NELL1: variants seen among roughly 807,000 people sequenced by gnomAD.
NELL1 encodes the protein neural EGFL like 1, also known as protein kinase C-binding protein NELL1.
In NELL1, 76 loss-of-function variants were observed where a neutral mutation model predicts 107.4. The ratio of observed to expected loss-of-function variants is 0.71; its 90% CI spans 0.59 to 0.86. NELL1 has a LOEUF of 0.86. Among genes scored for constraint, NELL1 ranks in the 40% least tolerant of loss-of-function variants. The pLI is 0.00. For missense variants in NELL1, 1,024 were observed against 1,005.5 expected (o/e 1.02, Z -0.25); for synonymous variants, 353 against 341.2 (o/e 1.03, Z -0.38).
At chr11:21,205,932 C>T (rs1207455055) in intron 13 of NELL1, among the ~76,000 whole-genome samples, 2 of 152,224 alleles carry the variant, frequency 1.3e-5, no homozygotes, top group Non-Finnish European at 2.9e-5. Context: ...GACATATATG[C>T]CCAGGCCTCT....
chr11:20,726,505 A>C (rs12363321), intron 2 of NELL1, among the ~76,000 whole-genome samples: 2 of 151,864 alleles, frequency 1.3e-5, no homozygotes, highest in South Asian at 4.2e-4. Context: ...TGAACTTTAC[A>C]CAAGTTGAAC....
chr11:21,561,415 A>G (rs1188288626), intron 17 of NELL1, among the ~76,000 whole-genome samples: 1 of 152,176 alleles, frequency 6.6e-6, no homozygotes, highest in Non-Finnish European at 1.5e-5. Context: ...CCCACACTCC[A>G]ATCTAGGTTT....
intron 3 of NELL1, among the ~76,000 whole-genome samples, chr11:20,835,074 A>G (rs1247830884): frequency 2.0e-5 from 3 of 151,942 alleles, no homozygotes; most frequent in Non-Finnish European, 2.9e-5. Context: ...TGCCAGACAC[A>G]TTTCTTCCTC....
At chr11:20,846,000 C>A (rs1420759769) in intron 3 of NELL1, among the ~76,000 whole-genome samples, 4 of 152,206 alleles carry the variant, frequency 2.6e-5, no homozygotes, top group African/African-American at 9.7e-5. Flanking sequence ...AGTGTTCTAA[C>A]AACTTAGAAG....
chr11:20,677,906 C>G (rs145705536), intron 1 of NELL1, 26 bp from the exon 2 acceptor site: 4 of 1,612,426 alleles, frequency 2.5e-6, no homozygotes, highest in Middle Eastern at 1.7e-4. Context: ...CATTTTAAGC[C>G]CAAACAACTC....
At chr11:21,194,732 C>T (rs1257619307) in intron 13 of NELL1, among the ~76,000 whole-genome samples, 3 of 152,144 alleles carry the variant, frequency 2.0e-5, no homozygotes, top group Non-Finnish European at 4.4e-5. Flanking sequence ...CCATATGATG[C>T]TCATGCATAT....
intron 15 of NELL1, among the ~76,000 whole-genome samples, chr11:21,416,363 T>C (rs1852520421): frequency 6.6e-6 from 1 of 152,130 alleles, no homozygotes; most frequent in Admixed American, 6.6e-5. Flanking sequence ...GTGAGGAGAC[T>C]GGCTTCATAA....
chr11:20,951,410 A>AT (rs1391844620), intron 11 of NELL1, among the ~76,000 whole-genome samples: 1 of 151,748 alleles, frequency 6.6e-6, no homozygotes, highest in South Asian at 2.1e-4. Flanking sequence ...TTTACATTTG[A>AT]TTTTTTTTCT....
chr11:21,301,472 C>T (rs908871064), intron 14 of NELL1, among the ~76,000 whole-genome samples: 9 of 152,244 alleles, frequency 5.9e-5, no homozygotes, highest in East Asian at 3.9e-4. Context: ...TTGTGGTTTT[C>T]ATTTTCATTT....
intron 5 of NELL1, among the ~76,000 whole-genome samples, chr11:20,893,140 CAGCAAACCAACACAGGAACAGA>C (rs1056880973): frequency 2.0e-5 from 3 of 151,994 alleles, no homozygotes; most frequent in Non-Finnish European, 4.4e-5. Context: ...CCATCATCCT[CAGCAAACCAACACAGGAACAGA>C]AAACCAAACA....
chr11:21,005,844 T>G (rs1001698108), intron 12 of NELL1, among the ~76,000 whole-genome samples: 5 of 152,108 alleles, frequency 3.3e-5, no homozygotes, highest in African/African-American at 1.2e-4. Context: ...GGTTAATGCC[T>G]TTTCAAAATA....
chr11:20,871,642 T>TA (rs1554935454), intron 4 of NELL1, among the ~76,000 whole-genome samples: 78 of 150,802 alleles, frequency 5.2e-4, no homozygotes, highest in East Asian at 1.2e-3. Context: ...ATTTTTTTTT[T>TA]ATTCATGTAG....
chr11:21,179,352 T>C (rs1472919614), intron 13 of NELL1, among the ~76,000 whole-genome samples: 2 of 151,930 alleles, frequency 1.3e-5, no homozygotes, highest in African/African-American at 4.9e-5. Flanking sequence ...TAGTTAGTTA[T>C]TGCCACAATA....
chr11:21,300,339 G>C (rs77673891), intron 14 of NELL1, among the ~76,000 whole-genome samples: 3,855 of 152,002 alleles, frequency 0.025, 178 homozygotes, highest in African/African-American at 0.088. Flanking sequence ...GGAGAAGGAG[G>C]AAGGTAATGA....
chr11:20,894,393 T>C (rs866018646), intron 5 of NELL1, among the ~76,000 whole-genome samples: 8 of 152,184 alleles, frequency 5.3e-5, no homozygotes, highest in South Asian at 4.1e-4. Flanking sequence ...ACAAAGGCCT[T>C]TTATCCAAGC....
At chr11:21,093,374 C>A (rs899973616) in intron 12 of NELL1, among the ~76,000 whole-genome samples, 2 of 152,082 alleles carry the variant, frequency 1.3e-5, no homozygotes, top group African/African-American at 4.8e-5. Flanking sequence ...TATCATGATG[C>A]AGTCACTACT....
chr11:21,230,001 C>T (rs941975588), intron 14 of NELL1, among the ~76,000 whole-genome samples: 1 of 152,150 alleles, frequency 6.6e-6, no homozygotes, highest in Admixed American at 6.5e-5. Context: ...CCTCTCTTTC[C>T]TCTCACCCTG....
At chr11:21,573,470 G>A (rs1291350819) in intron 19 of NELL1, 61 bp downstream of exon 19, 10 of 1,427,912 alleles carry the variant, frequency 7.0e-6, no homozygotes, top group African/African-American at 2.8e-5. Context: ...ACTTGCAGGA[G>A]GTCCACTCCT....
intron 14 of NELL1, among the ~76,000 whole-genome samples, chr11:21,266,908 A>T (rs1275987119): frequency 1.3e-5 from 2 of 152,140 alleles, no homozygotes; most frequent in African/African-American, 4.8e-5. Context: ...AATAGTGTGT[A>T]CCTACTTGTG....
Sources: gnomAD v4.1 joint callset for allele counts (sites outside exome capture counted in the v4.1 genomes callset) on GRCh38, gnomAD v4.1.1 for gene constraint, MANE v1.5 for transcripts, NCBI Gene and HGNC (gene_info 2026-07-23, HGNC 2026-07-21) for gene names.